The following CR1 variants were observed in gnomAD, a reference collection of about 807,000 sequenced individuals.
CR1 encodes complement C3b/C4b receptor 1 (Knops blood group).
A neutral mutation model predicts 187.3 loss-of-function variants in CR1; 116 were observed. The ratio of observed to expected loss-of-function variants is 0.62; its 90% CI spans 0.53 to 0.72. The LOEUF is 0.72. Among genes scored for constraint, CR1 ranks in the 30% least tolerant of loss-of-function variants. CR1 has a pLI of 0.00. For missense variants in CR1, 1,731 were observed against 2,110.7 expected (o/e 0.82, Z 3.52); for synonymous variants, 576 against 747.1 (o/e 0.77, Z 3.73).
chr1:207,616,982 T>C lies in CR1; in HGVS notation c.6889+180T>C, dbSNP rs1188402898. ...TAGATAGGCACGCTGTCTCAATTGT[T>C]GGTATTCTGATGGTCCTTCCTATGG... is the stretch of plus-strand genomic sequence containing the variant. On this transcript the variant is annotated intron_variant, in intron 41 of 46. Coordinates refer to ENST00000367049, the MANE Select transcript of CR1 (RefSeq NM_000651.6). Among the ~76,000 whole-genome samples, 5 of 152,160 alleles carry C rather than the reference T, an allele frequency of 3.3e-5. No homozygotes were observed. In the East Asian group the frequency reaches 9.6e-4, roughly 29 times the overall value.
intron 35 of CR1, among the ~76,000 whole-genome samples, chr1:207,598,460 A>AC (rs1418886343): frequency 6.6e-6 from 1 of 151,112 alleles, no homozygotes; most frequent in Non-Finnish European, 1.5e-5. Context: ...TCGCTCTGTC[A>AC]CCAGGCTGGA....
chr1:207,621,840 G>A lies in CR1; in HGVS notation c.7253-133G>A, dbSNP rs1353331218. 5 of 556,640 alleles carry A rather than the reference G, an allele frequency of 9.0e-6. No homozygotes were observed. In the East Asian group the frequency reaches 1.7e-4, roughly 19 times the overall value. 34.5% of individuals were successfully genotyped at this position (556,640 alleles called of 1,614,324 possible). On this transcript the variant is annotated intron_variant, in intron 43 of 46. Transcript: ENST00000367049. ...ATGAGAGTATGTGAATGAAACCAAT[G>A]GCTTTTTGCATTAGAAAAAATATTA...
chr1:207,524,114 C>G (rs535625314), intron 5 of CR1, 105 bp downstream of exon 5: 24 of 1,597,332 alleles, frequency 1.5e-5, no homozygotes, highest in Non-Finnish European at 2.0e-5. Context: ...TGAGCAGGGT[C>G]GAGGAGCAAA....
At chr1:207,525,196 A>G (rs1335068886) in intron 5 of CR1, among the ~76,000 whole-genome samples, 1 of 151,962 alleles carries the variant, frequency 6.6e-6, no homozygotes, top group Non-Finnish European at 1.5e-5. Context: ...ACTTCCCACC[A>G]GGCTCCTTCT....
At chr1:207,630,763 T>G in intron 46 of CR1, 142 bp downstream of exon 46, 1 of 514,484 alleles carries the variant, frequency 1.9e-6, no homozygotes, top group Non-Finnish European at 3.4e-6. Context: ...GGAAACTTCT[T>G]TTTTTTTTAT....
At chr1:207,524,142 A>G (rs1333401749) in intron 5 of CR1, 133 bp downstream of exon 5, 7 of 1,565,060 alleles carry the variant, frequency 4.5e-6, no homozygotes, top group South Asian at 2.3e-5. Context: ...GGTAGTGAAC[A>G]TGAAATTCAG....
Position 207,564,805 on chromosome 1 carries a change from A to G in CR1, c.3866+571A>G, listed in dbSNP as rs1302035443. On this transcript the variant is annotated intron_variant, in intron 23 of 46. Coordinates refer to ENST00000367049, the MANE Select transcript of CR1 (RefSeq NM_000651.6). ...AATGAGTGAAACTCCATCTCAGGAA[A>G]AAAATCATATTTTACAAGCAAAAGG... Among the ~76,000 whole-genome samples, 2 of 150,068 alleles carry G rather than the reference A, an allele frequency of 1.3e-5. 1 individual carries two copies. The highest frequency in any genetic ancestry group is 5.1e-5 in the African/African-American group (2 of 39,536).
At chr1:207,594,464 T>G (rs1661368738) in intron 35 of CR1, among the ~76,000 whole-genome samples, 2 of 151,200 alleles carry the variant, frequency 1.3e-5, no homozygotes, top group Admixed American at 1.3e-4. Context: ...AGGGTAGGAG[T>G]CCAGGGGAGG....
intron 4 of CR1, among the ~76,000 whole-genome samples, chr1:207,516,700 G>T (rs1486560586): frequency 1.3e-5 from 2 of 151,914 alleles, no homozygotes; most frequent in Non-Finnish European, 2.9e-5. Context: ...CATTATAGAA[G>T]TCATGTACCT....
At chr1:207,518,886 AT>A (rs913757515) in intron 4 of CR1, among the ~76,000 whole-genome samples, 2 of 152,216 alleles carry the variant, frequency 1.3e-5, no homozygotes, top group Non-Finnish European at 2.9e-5. Flanking sequence ...GGACACAGAT[AT>A]TTTTTAAGGA....
Position 207,614,491 on chromosome 1 carries a change from T to C in CR1, c.6661+2T>C, listed in dbSNP as rs895633579. 8.7e-6 allele frequency: 14 copies of C among 1,608,792 alleles called. No homozygotes were observed. Among genetic ancestry groups the C allele is most frequent in the Middle Eastern group, 1.6e-4 (1 of 6,064 alleles). ...ATAGCAGTGTTCCAGTGTGTGAACG[T>C]GAGTAGAAAGAACTATGTAGTTTGG... On this transcript the variant is annotated splice_donor_variant, in intron 40 of 46. Coordinates refer to ENST00000367049, the MANE Select transcript of CR1 (RefSeq NM_000651.6). LOFTEE classifies it high-confidence loss of function.
intron 4 of CR1, among the ~76,000 whole-genome samples, chr1:207,515,508 T>C (rs1377879198): frequency 2.6e-5 from 4 of 151,974 alleles, no homozygotes; most frequent in Non-Finnish European, 4.4e-5. Flanking sequence ...ATAACACTAA[T>C]AGTTTTGTTG....
At chr1:207,602,447 C>G (rs529320371) in intron 35 of CR1, among the ~76,000 whole-genome samples, 1 of 152,106 alleles carries the variant, frequency 6.6e-6, no homozygotes, top group African/African-American at 2.4e-5. Context: ...TAAGGTTATT[C>G]CAGAAATGGT....
Position 207,526,819 on chromosome 1 carries a change from C to T in CR1, c.953C>T (p.Pro318Leu). Residue 318 changes from proline to leucine, a missense_variant, in exon 6 of 47, where the codon CCT becomes CTT. Around this residue, in one of 5 missense-constraint regions of CR1, gnomAD observed 131 missense variants for 196.8 expected, o/e 0.67. Transcript: ENST00000367049. ...CAAAGGGACAAGGACAACTTTTCAC[C>T]TGGGCAGGAAGTGTTCTACAGCTGT... The part of the protein sequence containing the change: ...RTQRDKDNFS[P>L]GQEVFYSCEP... 6.7e-7 allele frequency: 1 copy of T among 1,493,768 alleles called. No homozygotes were observed. The highest frequency in any genetic ancestry group is 8.9e-7 in the Non-Finnish European group (1 of 1,127,244). The allele number at this position is 1,493,768 out of a possible 1,614,324, so 92.5% of individuals were successfully genotyped here. A position where few individuals can be genotyped will look rare whatever the true frequency, so the allele number is the denominator to read the frequency against.
At chr1:207,590,217 CGGG>C (rs1661231185) in intron 35 of CR1, among the ~76,000 whole-genome samples, 1 of 152,084 alleles carries the variant, frequency 6.6e-6, no homozygotes, top group African/African-American at 2.4e-5. Flanking sequence ...AGAGAAAGGT[CGGG>C]TTACCTACAA....
intron 37 of CR1, among the ~76,000 whole-genome samples, chr1:207,609,923 G>T (rs953450680): frequency 3.3e-5 from 5 of 152,226 alleles, no homozygotes; most frequent in African/African-American, 1.2e-4. Flanking sequence ...AATATATGAA[G>T]TAGCTACTAT....
chr1:207,573,705 G>A (rs1310311760), intron 27 of CR1, among the ~76,000 whole-genome samples: 1 of 152,082 alleles, frequency 6.6e-6, no homozygotes, highest in Non-Finnish European at 1.5e-5. Context: ...TATGTATTCA[G>A]TGTGTTTATA....
At chr1:207,572,930 G>T (rs561303722) in intron 27 of CR1, among the ~76,000 whole-genome samples, 1 of 151,762 alleles carries the variant, frequency 6.6e-6, no homozygotes, top group African/African-American at 2.4e-5. Flanking sequence ...GTGCATGTCT[G>T]TTTCCAAAGT....
chr1:207,593,211 T>C (rs1487346581), intron 35 of CR1, among the ~76,000 whole-genome samples: 1 of 151,712 alleles, frequency 6.6e-6, no homozygotes, highest in Non-Finnish European at 1.5e-5. Context: ...CAAACTATAC[T>C]ATAAGGCTAC....
Sources: gnomAD v4.1 joint callset for allele counts (sites outside exome capture counted in the v4.1 genomes callset) on GRCh38, gnomAD v4.1.1 for gene constraint, gnomAD v4.1.1 regional missense constraint, MANE v1.5 for transcripts, NCBI Gene and HGNC (gene_info 2026-07-23, HGNC 2026-07-21) for gene names.